Variants in SLC41A3 observed in about 807,000 individuals in gnomAD.
SLC41A3 encodes SLC41A1-like 2.
In SLC41A3, 44 loss-of-function variants were observed where a neutral mutation model predicts 45.4. That is an observed-to-expected ratio of 0.97 (90% CI 0.76 to 1.25). The LOEUF (loss-of-function observed/expected upper bound fraction) is 1.25, where lower values mean the gene tolerates loss of function less well. Ranked by LOEUF, SLC41A3 falls within the 50% of genes most tolerant of loss-of-function variation. SLC41A3 has a pLI of 0.00. For synonymous variants in SLC41A3, 256 were observed against 252.4 expected (o/e 1.01, Z -0.13); for missense variants, 550 against 600.6 (o/e 0.92, Z 0.88).
chr3:126,081,892 C>T (rs939172727), intron 1 of SLC41A3, among the ~76,000 whole-genome samples: 16 of 152,248 alleles, frequency 1.1e-4, no homozygotes, highest in African/African-American at 2.7e-4. Flanking sequence ...AACACCAGAG[C>T]GGCAGGTGCT....
chr3:126,036,454 C>T (rs942670992), intron 3 of SLC41A3, among the ~76,000 whole-genome samples: 1 of 152,174 alleles, frequency 6.6e-6, no homozygotes, highest in African/African-American at 2.4e-5. Context: ...ATCTTCCACC[C>T]AAACCCACAG....
At chr3:126,081,038 G>GA (rs778185732) in intron 1 of SLC41A3, among the ~76,000 whole-genome samples, 17 of 152,082 alleles carry the variant, frequency 1.1e-4, no homozygotes, top group Admixed American at 2.6e-4. Context: ...AGGAAACCAG[G>GA]ATATTGAAGA....
Position 126,012,634 on chromosome 3 carries a change from A to G in SLC41A3, c.1086T>C (p.Cys362=). 5 of 1,614,208 alleles carry G rather than the reference A, an allele frequency of 3.1e-6. No homozygotes were observed. The highest frequency in any genetic ancestry group is 4.2e-6 in the Non-Finnish European group (5 of 1,180,028). The part of the protein sequence containing the change: ...LQMKKFWPNP[C]STFCTSEINS... ...ACCCACCTGACGTGCAGAAAGTAGA[A>G]CACGGGTTGGGCCAGAATTTCTTCA... is the stretch of plus-strand genomic sequence containing the variant. Residue 362 remains cysteine (C), a synonymous_variant, in exon 9 of 11, where the codon TGT becomes TGC. Coordinates refer to ENST00000360370, the MANE Select transcript of SLC41A3 (RefSeq NM_017836.4).
intron 4 of SLC41A3, among the ~76,000 whole-genome samples, chr3:126,031,133 GC>G (rs1425755190): frequency 6.6e-6 from 1 of 152,120 alleles, no homozygotes; most frequent in Non-Finnish European, 1.5e-5. Context: ...TTATCTATGG[GC>G]ACACACATTT....
intron 1 of SLC41A3, among the ~76,000 whole-genome samples, chr3:126,089,901 A>T (rs1335916258): frequency 1.3e-5 from 2 of 152,042 alleles, no homozygotes; most frequent in African/African-American, 4.8e-5. Flanking sequence ...CTCTGGGAGG[A>T]GTTGCTGGAT....
chr3:126,049,449 T>C (rs1251551997), intron 3 of SLC41A3, among the ~76,000 whole-genome samples: 3 of 152,146 alleles, frequency 2.0e-5, no homozygotes, highest in Non-Finnish European at 4.4e-5. Context: ...ATCATGCCAC[T>C]GGACTCTGGC....
intron 1 of SLC41A3, among the ~76,000 whole-genome samples, chr3:126,078,211 A>T (rs745497274): frequency 3.9e-5 from 6 of 152,132 alleles, no homozygotes; most frequent in Non-Finnish European, 8.8e-5. Context: ...TAACAGCAGA[A>T]CCCATTCCAC....
chr3:126,066,677 G>T (rs975744686), intron 2 of SLC41A3, among the ~76,000 whole-genome samples: 1 of 152,200 alleles, frequency 6.6e-6, no homozygotes, highest in Non-Finnish European at 1.5e-5. Context: ...ATAGGAAATA[G>T]TCACAAACCT....
At chr3:126,042,111 T>C (rs1336646113) in intron 3 of SLC41A3, among the ~76,000 whole-genome samples, 1 of 151,986 alleles carries the variant, frequency 6.6e-6, no homozygotes, top group Admixed American at 6.6e-5. Flanking sequence ...CAAAAGCAAA[T>C]GGAAATGGTG....
Position 126,101,032 on chromosome 3 carries a change from G to A in SLC41A3, c.-79+397C>T, listed in dbSNP as rs552419368. Among the ~76,000 whole-genome samples, 6 of 152,368 alleles carry A rather than the reference G, an allele frequency of 3.9e-5. No homozygotes were observed. In the South Asian group the frequency reaches 1.0e-3, roughly 26 times the overall value. On this transcript the variant is annotated intron_variant, in intron 1 of 9. Transcript: ENST00000508835. ...AGCCTGGCAGTGAGTCGCCCCGGGGGAGATGAGCCTCCATGATGTTGGACT... is the reference window on the plus strand; with the variant it reads ...AGCCTGGCAGTGAGTCGCCCCGGGGAAGATGAGCCTCCATGATGTTGGACT...
rs1214885774 is a variant in SLC41A3, at chr3:126,026,686, C to G, written c.454-207G>C. Reference sequence around the variant, plus strand: ...TGAACTCAACTCCTCCGAAACCACGCTGGCCACCTCTGCTCCCTTGCTAGG... The same window carrying G: ...TGAACTCAACTCCTCCGAAACCACGGTGGCCACCTCTGCTCCCTTGCTAGG... On this transcript the variant is annotated intron_variant, in intron 4 of 10. Coordinates refer to ENST00000360370, the MANE Select transcript of SLC41A3 (RefSeq NM_017836.4). This position sits in a 1 kb window ranked among gnomAD's most constrained non-coding sequence, Gnocchi z 4.2. Among the ~76,000 whole-genome samples the G allele has an allele frequency of 6.6e-6, 1 of 152,220 alleles. No homozygotes were observed. The highest frequency in any genetic ancestry group is 2.4e-5 in the African/African-American group (1 of 41,456).
In SLC41A3 at chr3:126,012,727, G is replaced by A. The variant is rs1427891057; in HGVS notation, c.993C>T (p.Ala331=). The A allele has an allele frequency of 1.1e-5, 18 of 1,614,078 alleles. No homozygotes were observed. The highest frequency in any genetic ancestry group is 1.4e-5 in the Non-Finnish European group (17 of 1,180,036). Reference sequence around the variant, plus strand: ...AGGTTGAGATTCGGCTGGTCTGAATGGCCACCAGATTGCCACCAACACCTA... The same window carrying A: ...AGGTTGAGATTCGGCTGGTCTGAATAGCCACCAGATTGCCACCAACACCTA... The part of the protein sequence containing the change: ...VICGVGGNLV[A]IQTSRISTYL... The change falls in exon 9 of 11, where the codon GCC becomes GCT. Residue 331 remains alanine (A), a synonymous_variant. Coordinates refer to ENST00000360370, the MANE Select transcript of SLC41A3 (RefSeq NM_017836.4).
At chr3:126,090,899 G>A (rs776113850) in intron 1 of SLC41A3, among the ~76,000 whole-genome samples, 8 of 152,098 alleles carry the variant, frequency 5.3e-5, no homozygotes, top group Non-Finnish European at 1.0e-4. Flanking sequence ...GCCCTCTTCC[G>A]GCCTTTATCC....
chr3:126,086,408 GTTTTTT>G (rs57316346), upstream of SLC41A3, among the ~76,000 whole-genome samples: 1 of 21,184 alleles, frequency 4.7e-5, no homozygotes, highest in Admixed American at 6.2e-4. Context: ...TTGTTTTCTT[GTTTTTT>G]TTTTTTTTTT....
chr3:126,006,869 G>T lies in SLC41A3; in HGVS notation c.*147C>A. ...GGTATCAACCCCAGAGCCGAGGTGT[G>T]TGAGAGCTACCTTAGCAGACTCACA... On this transcript the variant is annotated 3_prime_UTR_variant, in exon 11 of 11. Coordinates refer to ENST00000360370, the MANE Select transcript of SLC41A3 (RefSeq NM_017836.4). 1 of 1,505,172 alleles carries T rather than the reference G, an allele frequency of 6.6e-7. No homozygotes were observed. Among genetic ancestry groups the T allele is most frequent in the African/African-American group, 1.4e-5 (1 of 71,822 alleles). 93.2% of individuals were successfully genotyped at this position (1,505,172 alleles called of 1,614,324 possible). A position where few individuals can be genotyped will look rare whatever the true frequency, so the allele number is the denominator to read the frequency against.
intron 3 of SLC41A3, among the ~76,000 whole-genome samples, chr3:126,039,857 C>CAT (rs1942464422): frequency 6.6e-6 from 1 of 152,330 alleles, no homozygotes; most frequent in South Asian, 2.1e-4. Flanking sequence ...CACAGGTTGG[C>CAT]ATATATACAT....
At chr3:126,015,296 G>C (rs915761674) in intron 8 of SLC41A3, among the ~76,000 whole-genome samples, 198 bp downstream of exon 8, 2 of 152,154 alleles carry the variant, frequency 1.3e-5, no homozygotes, top group African/African-American at 4.8e-5. Context: ...ACAGTGTGTG[G>C]GGCTTCCTCC....
intron 3 of SLC41A3, among the ~76,000 whole-genome samples, chr3:126,039,512 T>C (rs1321877918): frequency 1.3e-5 from 2 of 152,192 alleles, no homozygotes; most frequent in Admixed American, 1.3e-4. Flanking sequence ...CTGTCATGGG[T>C]GATAGCAGCG....
Position 126,026,296 on chromosome 3 carries a change from A to G in SLC41A3, c.598+39T>C. ...CTCTGAGGTGGGACCTCAGAGGAGC[A>G]GGGAGCGGGTGGGGGCTCACAGCTG... On this transcript the variant is annotated intron_variant, in intron 5 of 10. Coordinates refer to ENST00000360370, the MANE Select transcript of SLC41A3 (RefSeq NM_017836.4). This position sits in a 1 kb window ranked among gnomAD's most constrained non-coding sequence, Gnocchi z 4.2. The G allele has an allele frequency of 6.4e-7, 1 of 1,551,230 alleles. No individual in the cohort carries two copies. Among genetic ancestry groups the G allele is most frequent in the Non-Finnish European group, 8.7e-7 (1 of 1,146,582 alleles).
Sources: allele counts gnomAD v4.1 joint callset (sites outside exome capture counted in the v4.1 genomes callset), GRCh38; gene constraint gnomAD v4.1.1; non-coding constraint Gnocchi (gnomAD v3.1); transcripts MANE v1.5; gene names NCBI Gene and HGNC (gene_info 2026-07-23, HGNC 2026-07-21).